TBC1D30: variants seen among roughly 807,000 people sequenced by gnomAD.
TBC1D30 encodes the protein TBC1 domain family member 30.
TBC1D30 carries 31 observed loss-of-function variants against 63.2 expected under a neutral mutation model. That is an observed-to-expected ratio of 0.49 (90% confidence interval 0.37 to 0.66). The LOEUF (loss-of-function observed/expected upper bound fraction) is 0.66, where lower values mean the gene tolerates loss of function less well. Among genes scored for constraint, TBC1D30 ranks in the 30% least tolerant of loss-of-function variants. The probability of loss-of-function intolerance (pLI) is 0.00; values close to 1 mark genes in which losing one functional copy is unlikely to be tolerated. For synonymous variants in TBC1D30, 307 were observed against 361.5 expected, an observed-to-expected ratio of 0.85 and a Z score of 1.71; for missense variants, 810 against 953.6, an observed-to-expected ratio of 0.85 and a Z score of 1.98.
intron 2 of TBC1D30, among the ~76,000 whole-genome samples, chr12:64,804,825 C>T (rs577104917): frequency 6.6e-5 from 10 of 152,110 alleles, no homozygotes; most frequent in East Asian, 3.9e-4. Flanking sequence ...AAAAGGTATA[C>T]GGGGCTCAAC....
chr12:64,805,514 C>A (rs892234799), intron 2 of TBC1D30, among the ~76,000 whole-genome samples: 6 of 152,050 alleles, frequency 3.9e-5, no homozygotes, highest in Non-Finnish European at 8.8e-5. Flanking sequence ...ACTGGTGACT[C>A]CTCTTCAGTG....
At chr12:64,871,548 A>G (rs920127000) in intron 11 of TBC1D30, among the ~76,000 whole-genome samples, 3 of 152,238 alleles carry the variant, frequency 2.0e-5, no homozygotes, top group African/African-American at 4.8e-5. Flanking sequence ...CTGATCCTGC[A>G]CAAAAACTGA....
At chr12:64,776,355 G>T (rs1427702564), upstream of TBC1D30, among the ~76,000 whole-genome samples, 2 of 151,962 alleles carry the variant, frequency 1.3e-5, no homozygotes, top group Non-Finnish European at 2.9e-5. Context: ...AAGATAGATA[G>T]ACCACTAGGT....
intron 1 of TBC1D30, among the ~76,000 whole-genome samples, chr12:64,770,484 T>C (rs1264893211): frequency 6.6e-6 from 1 of 152,184 alleles, no homozygotes; most frequent in Non-Finnish European, 1.5e-5. Context: ...CTGTCACCAC[T>C]GCTGCTGCTT....
At chr12:64,872,750 C>T (rs1004743999) in intron 11 of TBC1D30, among the ~76,000 whole-genome samples, 7 of 152,186 alleles carry the variant, frequency 4.6e-5, no homozygotes, top group African/African-American at 1.7e-4. Context: ...CTTACAGTTT[C>T]ACATGGCTGG....
chr12:64,797,377 T>G (rs868505407), intron 2 of TBC1D30, among the ~76,000 whole-genome samples: 1 of 152,240 alleles, frequency 6.6e-6, no homozygotes, highest in South Asian at 2.1e-4. Flanking sequence ...CTAACTCTGC[T>G]TAGAGTTTAT....
chr12:64,861,900 G>T lies in TBC1D30; in HGVS notation c.1039-2768G>T, dbSNP rs148434921. On this transcript the variant is annotated intron_variant, in intron 8 of 11. Transcript: ENST00000539867. ...ACTCTGTTCACTTTTTTCCATAAGT[G>T]ATGGGGTGGAAATTACAAGGGTATG... 4.8e-3 allele frequency among the ~76,000 whole-genome samples: 730 copies of T among 152,250 alleles called. 9 individuals are homozygous for T. Among genetic ancestry groups the T allele is most frequent in the African/African-American group, 0.017 (704 of 41,530 alleles).
rs150691504 is a variant in TBC1D30, at chr12:64,815,894, C to T, written c.644-11941C>T. 2.0e-3 allele frequency among the ~76,000 whole-genome samples: 309 copies of T among 151,996 alleles called. 2 individuals are homozygous for T. Among genetic ancestry groups the T allele is most frequent in the African/African-American group, 7.1e-3 (296 of 41,454 alleles). ...CTCGACCTCCTGGGCTCAGGTGATC[C>T]GCCCCAGTAGCTGGTACGATAGCCA... is the stretch of plus-strand genomic sequence containing the variant. On this transcript the variant is annotated intron_variant, in intron 2 of 12. Transcript: ENST00000542120.
At chr12:64,847,299 G>A (rs1204800642) in intron 8 of TBC1D30, among the ~76,000 whole-genome samples, 4 of 151,796 alleles carry the variant, frequency 2.6e-5, no homozygotes, top group African/African-American at 9.7e-5. Flanking sequence ...CTGGCTACAG[G>A]TGTTTCAGTT....
intron 1 of TBC1D30, among the ~76,000 whole-genome samples, chr12:64,771,371 G>A (rs190875917): frequency 1.3e-5 from 2 of 151,982 alleles, no homozygotes; most frequent in Admixed American, 6.6e-5. Flanking sequence ...TCTTATCCAC[G>A]AGGCACCAAA....
upstream of TBC1D30, among the ~76,000 whole-genome samples, chr12:64,778,626 G>C (rs766773110): frequency 6.3e-5 from 9 of 143,560 alleles, no homozygotes; most frequent in Non-Finnish European, 9.0e-5. Flanking sequence ...GCGTGATCTC[G>C]GCTCACTGCA....
intron 1 of TBC1D30, among the ~76,000 whole-genome samples, chr12:64,761,781 T>G (rs1001958255): frequency 2.0e-5 from 3 of 152,224 alleles, no homozygotes; most frequent in Non-Finnish European, 4.4e-5. Flanking sequence ...AGCCATTCTT[T>G]TATTCCTCTA....
At chr12:64,870,474 C>A (rs572266243) in intron 10 of TBC1D30, 128 bp from the exon 11 acceptor site, 2 of 704,256 alleles carry the variant, frequency 2.8e-6, no homozygotes, top group African/African-American at 1.8e-5. Context: ...CTCTAGTATG[C>A]GTTTTTTTCT....
Position 64,878,776 on chromosome 12 carries a change from C to T in TBC1D30, c.*2988C>T, listed in dbSNP as rs567614974. On this transcript the variant is annotated 3_prime_UTR_variant, in exon 12 of 12. Coordinates refer to ENST00000539867, the MANE Select transcript of TBC1D30 (RefSeq NM_015279.2). ...ACAGCCCAATAAGCTCTATCTCCCC[C>T]AGTCTAATCGCTGGGTTGCAGGGTG... 10 of 309,754 alleles carry T rather than the reference C, an allele frequency of 3.2e-5. No homozygotes were observed. Among genetic ancestry groups the T allele is most frequent in the Admixed American group, 2.5e-4 (6 of 23,934 alleles). The allele number at this position is 309,754 out of a possible 1,614,324, so 19.2% of individuals were successfully genotyped here.
chr12:64,856,862 T>C (rs1407883061), intron 8 of TBC1D30, among the ~76,000 whole-genome samples: 1 of 152,196 alleles, frequency 6.6e-6, no homozygotes, highest in Non-Finnish European at 1.5e-5. Context: ...AGCTTCTACC[T>C]GTGGCCACCA....
intron 1 of TBC1D30, among the ~76,000 whole-genome samples, chr12:64,781,858 G>T (rs1343711596): frequency 6.6e-6 from 1 of 151,694 alleles, no homozygotes; most frequent in Non-Finnish European, 1.5e-5. Context: ...AGGAATTTTT[G>T]TTGTTGTTGT....
chr12:64,850,800 G>T (rs1344844769), intron 8 of TBC1D30, among the ~76,000 whole-genome samples: 1 of 152,140 alleles, frequency 6.6e-6, no homozygotes, highest in Non-Finnish European at 1.5e-5. Context: ...AAATGAGTTA[G>T]GGAGGAGTCC....
At chr12:64,826,632 C>G (rs572923741) in intron 1 of TBC1D30, among the ~76,000 whole-genome samples, 1 of 152,264 alleles carries the variant, frequency 6.6e-6, no homozygotes, top group South Asian at 2.1e-4. Context: ...GTTTAAACCA[C>G]CTCAGAGAGA....
intron 2 of TBC1D30, among the ~76,000 whole-genome samples, chr12:64,786,387 A>G (rs7967592): frequency 0.54 from 81,549 of 151,924 alleles, 22,799 homozygotes; most frequent in East Asian, 0.89. Flanking sequence ...GCTGGAGTGC[A>G]GTGGCGTAAT....
Sources: gnomAD v4.1 joint callset for allele counts (sites outside exome capture counted in the v4.1 genomes callset) on GRCh38, gnomAD v4.1.1 for gene constraint, MANE v1.5 for transcripts, NCBI Gene and HGNC (gene_info 2026-07-23, HGNC 2026-07-21) for gene names.